The following TNFRSF19 variants were observed in gnomAD, a reference collection of about 807,000 sequenced individuals.
TNFRSF19 encodes TNF receptor superfamily member 19.
A neutral mutation model predicts 46.4 loss-of-function variants in TNFRSF19; 27 were observed. That is an observed-to-expected ratio of 0.58 (90% CI 0.43 to 0.80). The LOEUF is 0.80. Ranked by LOEUF, TNFRSF19 falls within the 30% of genes least tolerant of loss-of-function variation. The probability of loss-of-function intolerance (pLI) is 0.00; values close to 1 mark genes in which losing one functional copy is unlikely to be tolerated. For missense variants in TNFRSF19, 511 were observed against 530.8 expected (o/e 0.96, Z 0.37); for synonymous variants, 204 against 205.0 (o/e 1.00, Z 0.04).
Position 23,667,579 on chromosome 13 carries a change from A to G in TNFRSF19, c.737-401A>G, listed in dbSNP as rs114310964. On this transcript the variant is annotated intron_variant, in intron 7 of 9. Transcript: ENST00000248484. ...TGTAGTGAAATACACATAAGATAAA[A>G]TTCACCATCTTAACCATTTTCAAGT... 2.0e-3 allele frequency among the ~76,000 whole-genome samples: 312 copies of G among 152,266 alleles called. 2 individuals carry two copies. Among genetic ancestry groups the G allele is most frequent in the African/African-American group, 7.2e-3 (299 of 41,560 alleles).
At chr13:23,637,701 G>A (rs1042740432) in intron 5 of TNFRSF19, among the ~76,000 whole-genome samples, 2 of 152,212 alleles carry the variant, frequency 1.3e-5, no homozygotes, top group Admixed American at 6.5e-5. Flanking sequence ...AATAATTTGA[G>A]TGTCATCATC....
chr13:23,664,241 A>T (rs1951580189), intron 7 of TNFRSF19, among the ~76,000 whole-genome samples: 1 of 152,146 alleles, frequency 6.6e-6, no homozygotes, highest in Non-Finnish European at 1.5e-5. Context: ...TTTCTACCTT[A>T]ATTTTAGTAT....
At position 23,669,078 on chromosome 13, in the gene TNFRSF19, C is replaced by A. The variant is rs1951707485; in HGVS notation, c.1226C>A (p.Ala409Asp). The A allele has an allele frequency of 6.2e-7, 1 of 1,614,006 alleles. No individual in the cohort carries two copies. The highest frequency in any genetic ancestry group is 8.5e-7 in the Non-Finnish European group (1 of 1,180,008). The change falls in exon 9 of 10, where the codon GCC (alanine) becomes GAC (aspartate). Residue 409 changes from alanine to aspartate, a missense_variant. Ala to Asp is a moderately radical substitution (Grantham distance 126). Around this residue, in one of 3 missense-constraint regions of TNFRSF19, gnomAD observed 376 missense variants for 372.7 expected, o/e 1.01. Transcript: ENST00000248484. ...DQESGAVIHP[A>D]TQTSLQEA ...GAGAGTGGTGCTGTCATCCACCCAG[C>A]CACTCAGACGTCCCTCCAGGTAAGG...
At chr13:23,615,819 A>T (rs1292367794) in intron 3 of TNFRSF19, 48 bp from the exon 4 acceptor site, 1 of 1,504,920 alleles carries the variant, frequency 6.6e-7, no homozygotes, top group African/African-American at 1.4e-5. Flanking sequence ...TTTCCTTTTC[A>T]CGCTTGCAAA....
intron 5 of TNFRSF19, among the ~76,000 whole-genome samples, chr13:23,652,110 G>A (rs1379593398): frequency 6.6e-6 from 1 of 152,116 alleles, no homozygotes; most frequent in African/African-American, 2.4e-5. Flanking sequence ...TTATATGGTA[G>A]CTGTGATGGT....
At chr13:23,640,523 T>C (rs192675565) in intron 5 of TNFRSF19, among the ~76,000 whole-genome samples, 13 of 152,320 alleles carry the variant, frequency 8.5e-5, no homozygotes, top group Middle Eastern at 3.4e-3. Context: ...AGCTGCTCTT[T>C]CTGGTTATAA....
chr13:23,595,915 G>C (rs1324806485), intron 3 of TNFRSF19, among the ~76,000 whole-genome samples: 1 of 152,206 alleles, frequency 6.6e-6, no homozygotes, highest in East Asian at 1.9e-4. Context: ...GGATCTCTCT[G>C]CAGAAACCCT....
chr13:23,610,589 G>T (rs770479597), intron 3 of TNFRSF19, among the ~76,000 whole-genome samples: 1 of 149,838 alleles, frequency 6.7e-6, no homozygotes, highest in African/African-American at 2.4e-5. Flanking sequence ...TGCTGGGGCC[G>T]TTACAAGCTA....
At position 23,662,819 on chromosome 13, in the gene TNFRSF19, G is replaced by T. The variant is rs574795490; in HGVS notation, c.736+2329G>T. 6.6e-4 allele frequency among the ~76,000 whole-genome samples: 100 copies of T among 152,268 alleles called. 4 individuals are homozygous for T. In the South Asian group the frequency reaches 0.011, roughly 17 times the overall value. The stretch of plus-strand genomic sequence containing the variant: ...TCTTGCTGATTTGGCTCTTGGCTTG[G>T]CCGTTGTTGGTGTAGAAGAATACTA... On this transcript the variant is annotated intron_variant, in intron 7 of 9. Coordinates refer to ENST00000248484, the MANE Select transcript of TNFRSF19 (RefSeq NM_148957.4).
intron 1 of TNFRSF19, among the ~76,000 whole-genome samples, chr13:23,573,758 T>C (rs906408150): frequency 7.7e-6 from 1 of 129,696 alleles, no homozygotes; most frequent in Non-Finnish European, 1.8e-5. Context: ...TTTGCTTTTC[T>C]TCCTTGAAAA....
At chr13:23,673,340 T>C (rs1427573201) in intron 9 of TNFRSF19, 32 bp from the exon 10 acceptor site, 2 of 1,588,448 alleles carry the variant, frequency 1.3e-6, no homozygotes, top group East Asian at 2.3e-5. Flanking sequence ...TAAGACATTA[T>C]TTCTAAAGCT....
At chr13:23,593,148 A>G (rs545538111) in intron 2 of TNFRSF19, among the ~76,000 whole-genome samples, 197 bp from the exon 3 acceptor site, 1 of 152,264 alleles carries the variant, frequency 6.6e-6, no homozygotes, top group African/African-American at 2.4e-5. Context: ...ACAGAGAAGA[A>G]TTTGGCTTAT....
intron 3 of TNFRSF19, 84 bp from the exon 4 acceptor site, chr13:23,615,783 C>A: frequency 7.3e-7 from 1 of 1,374,334 alleles, no homozygotes; most frequent in Non-Finnish European, 9.7e-7. Context: ...ATTATTAGAC[C>A]AGGTCTTCGT....
intron 2 of TNFRSF19, among the ~76,000 whole-genome samples, chr13:23,592,840 G>A (rs1229217148): frequency 2.0e-5 from 3 of 152,182 alleles, no homozygotes; most frequent in South Asian, 2.1e-4. Flanking sequence ...TTGTGGCTAC[G>A]CTCTTGTGGC....
chr13:23,672,544 A>G (rs186758755), intron 9 of TNFRSF19, among the ~76,000 whole-genome samples: 10 of 152,330 alleles, frequency 6.6e-5, no homozygotes, highest in Admixed American at 5.2e-4. Flanking sequence ...TATTATAATC[A>G]TGTCAGTTAA....
chr13:23,597,473 A>G (rs140729530), intron 3 of TNFRSF19, among the ~76,000 whole-genome samples: 9,753 of 152,310 alleles, frequency 0.064, 420 homozygotes, highest in Middle Eastern at 0.12. Context: ...AAACACCTCT[A>G]TGCAAATAAA....
At chr13:23,668,317 T>C (rs574272067) in intron 8 of TNFRSF19, among the ~76,000 whole-genome samples, 4 of 152,332 alleles carry the variant, frequency 2.6e-5, no homozygotes, top group East Asian at 1.9e-4. Flanking sequence ...TTTTGTCTTA[T>C]GTCTGTGATT....
chr13:23,619,767 T>C (rs993249195), intron 4 of TNFRSF19, among the ~76,000 whole-genome samples: 3 of 151,984 alleles, frequency 2.0e-5, no homozygotes, highest in Admixed American at 6.6e-5. Flanking sequence ...AATGAGGAGG[T>C]CTACAGGGGA....
At chr13:23,572,754 A>C (rs1877710859) in intron 1 of TNFRSF19, among the ~76,000 whole-genome samples, 1 of 152,234 alleles carries the variant, frequency 6.6e-6, no homozygotes, top group Non-Finnish European at 1.5e-5. Flanking sequence ...GTTGTATCTG[A>C]AGGTACAGGT....
Sources: allele counts gnomAD v4.1 joint callset (sites outside exome capture counted in the v4.1 genomes callset), GRCh38; gene constraint gnomAD v4.1.1; regional missense constraint gnomAD v4.1.1; transcripts MANE v1.5; gene names NCBI Gene and HGNC (gene_info 2026-07-23, HGNC 2026-07-21).